The following WDFY3 variants were observed in gnomAD, a reference collection of about 807,000 sequenced individuals.
The protein encoded by WDFY3 is WD repeat and FYVE domain-containing protein 3.
A neutral mutation model predicts 409.6 loss-of-function variants in WDFY3; 66 were observed. That is an observed-to-expected ratio of 0.16 (90% CI 0.13 to 0.20). The LOEUF is 0.20. WDFY3 is among the 10% of genes least tolerant of loss of function. The probability of loss-of-function intolerance (pLI) is 1.00; values close to 1 mark genes in which losing one functional copy is unlikely to be tolerated. For synonymous variants in WDFY3, 1,521 were observed against 1,537.1 expected (o/e 0.99, Z 0.25); for missense variants, 3,031 against 4,298.1 (o/e 0.71, Z 8.24).
intron 2 of WDFY3, among the ~76,000 whole-genome samples, chr4:84,913,804 C>T (rs932854671): frequency 2.0e-5 from 3 of 151,494 alleles, no homozygotes; most frequent in Admixed American, 2.0e-4. Context: ...AACATGACAC[C>T]AAGTGTGCCT....
At chr4:84,921,646 ATTTTTTT>A (rs747576197) in intron 2 of WDFY3, among the ~76,000 whole-genome samples, 126 of 78,638 alleles carry the variant, frequency 1.6e-3, no homozygotes, top group Non-Finnish European at 2.6e-3. Context: ...TATTGCTTTC[ATTTTTTT>A]TTTTTTTTTT....
chr4:84,688,054 A>G, intron 62 of WDFY3, 32 bp downstream of exon 62: 1 of 1,597,674 alleles, frequency 6.3e-7, no homozygotes. Flanking sequence ...CTACTTGTTT[A>G]CCTAAACATA....
rs368190959 is a variant in WDFY3 at position 84,775,046 on chromosome 4, C to T, written c.4592+19G>A. The T allele has an allele frequency of 2.8e-5, 45 of 1,613,070 alleles. 1 individual carries two copies. Among genetic ancestry groups the T allele is most frequent in the South Asian group, 8.8e-5 (8 of 91,026 alleles). Reference sequence around the variant, plus strand: ...TTTTCTATAGCTGAATAATTAACTACGTGGGTATTAATTAATACCTGGACT... The same window carrying T: ...TTTTCTATAGCTGAATAATTAACTATGTGGGTATTAATTAATACCTGGACT... On this transcript the variant is annotated intron_variant, in intron 28 of 67. Transcript: ENST00000295888.
At chr4:84,851,555 A>G (rs1027557971) in intron 4 of WDFY3, among the ~76,000 whole-genome samples, 1 of 152,154 alleles carries the variant, frequency 6.6e-6, no homozygotes, top group Non-Finnish European at 1.5e-5. Context: ...CAAGCAAATA[A>G]AAGACCCAGC....
chr4:84,803,463 C>T lies in WDFY3; in HGVS notation c.2434G>A (p.Ala812Thr). The change falls in exon 16 of 68, where the codon GCA becomes ACA. Residue 812 changes from alanine (A) to threonine (T), a missense_variant. Transcript: ENST00000295888. ...GGGGGAGTTGAAACAGAATGATATGCATGCCTATAAAAAAAGAAAGAGTAA... is the reference window on the plus strand; with the variant it reads ...GGGGGAGTTGAAACAGAATGATATGTATGCCTATAAAAAAAGAAAGAGTAA... ...GTPALSRKRH[A>T]YHSVSTPPVY... 1 of 1,603,142 alleles carries T rather than the reference C, an allele frequency of 6.2e-7. No homozygotes were observed. Among genetic ancestry groups the T allele is most frequent in the Non-Finnish European group, 8.5e-7 (1 of 1,176,388 alleles).
At chr4:84,904,913 C>T (rs568467384) in intron 2 of WDFY3, among the ~76,000 whole-genome samples, 36 of 152,286 alleles carry the variant, frequency 2.4e-4, no homozygotes, top group Non-Finnish European at 4.3e-4. Flanking sequence ...CCAAGGCAGG[C>T]GGATCACTTG....
chr4:84,693,020 G>GT lies in WDFY3; in HGVS notation c.8913dup (p.Pro2972ThrfsTer27). Reference sequence around the variant, plus strand: ...CTTCTCACTCGCTTTGGTGGATGAGGTTTTTTAAATAACTGGTATGAAAGA... The same window carrying GT: ...CTTCTCACTCGCTTTGGTGGATGAGGTTTTTTTAAATAACTGGTATGAAAGA... On this transcript the variant is annotated frameshift_variant, in exon 59 of 68. Coordinates refer to ENST00000295888, the MANE Select transcript of WDFY3 (RefSeq NM_014991.6). LOFTEE classifies it high-confidence loss of function. 1 of 1,611,288 alleles carries GT rather than the reference G, an allele frequency of 6.2e-7. No homozygotes were observed. Among genetic ancestry groups the GT allele is most frequent in the Non-Finnish European group, 8.5e-7 (1 of 1,179,428 alleles).
rs1407628764 is a variant in WDFY3 at position 84,860,690 on chromosome 4, A to G, written c.-31-68T>C. On this transcript the variant is annotated intron_variant, in intron 3 of 67. Transcript: ENST00000295888. ...TCTTGACTAGGTCAAGCATGCATGT[A>G]AGAGCTTATAAGAAATTTGCAAAAT... is the stretch of plus-strand genomic sequence containing the variant. The G allele has an allele frequency of 3.2e-6, 4 of 1,253,302 alleles. No homozygotes were observed. In the South Asian group the frequency reaches 8.1e-5, roughly 25 times the overall value. The allele number at this position is 1,253,302 out of a possible 1,614,324, so 77.6% of individuals were successfully genotyped here. A position where few individuals can be genotyped will look rare whatever the true frequency, so the allele number is the denominator to read the frequency against.
At chr4:84,808,548 A>G in intron 14 of WDFY3, 131 bp from the exon 15 acceptor site, 1 of 674,012 alleles carries the variant, frequency 1.5e-6, no homozygotes, top group Middle Eastern at 2.5e-4. Context: ...TTCAGCAGGA[A>G]CAAGGAACAA....
chr4:84,802,019 C>T lies in WDFY3; in HGVS notation c.2608-155G>A, dbSNP rs184262349. Reference sequence around the variant, plus strand: ...CTGGAGTGCAATGGTGTGATCTCGCCTCATTGCAACCTCTGCCTTGCAGGT... The same window carrying T: ...CTGGAGTGCAATGGTGTGATCTCGCTTCATTGCAACCTCTGCCTTGCAGGT... On this transcript the variant is annotated intron_variant, in intron 16 of 67. Coordinates refer to ENST00000295888, the MANE Select transcript of WDFY3 (RefSeq NM_014991.6). Among the ~76,000 whole-genome samples the T allele has an allele frequency of 3.9e-3, 589 of 151,790 alleles. 3 individuals are homozygous for T. Among genetic ancestry groups the T allele is most frequent in the Non-Finnish European group, 4.0e-3 (271 of 67,964 alleles).
chr4:84,760,160 G>A (rs1463781537), intron 32 of WDFY3, among the ~76,000 whole-genome samples: 1 of 151,910 alleles, frequency 6.6e-6, no homozygotes, highest in African/African-American at 2.4e-5. Flanking sequence ...AAGCCCACCT[G>A]ATCATGGTGG....
intron 2 of WDFY3, among the ~76,000 whole-genome samples, chr4:84,929,680 C>T (rs970828535): frequency 1.3e-5 from 2 of 151,984 alleles, no homozygotes; most frequent in African/African-American, 4.8e-5. Flanking sequence ...GAGGCCAAGG[C>T]GGGTGGATCA....
chr4:84,868,305 T>C (rs949144860), intron 3 of WDFY3, among the ~76,000 whole-genome samples: 1 of 151,984 alleles, frequency 6.6e-6, no homozygotes, highest in Non-Finnish European at 1.5e-5. Flanking sequence ...CCTCTTATAC[T>C]TTTTAAGAAT....
intron 15 of WDFY3, among the ~76,000 whole-genome samples, chr4:84,807,845 C>T (rs1245005179): frequency 6.6e-6 from 1 of 151,876 alleles, no homozygotes; most frequent in Non-Finnish European, 1.5e-5. Flanking sequence ...CAGCAACATA[C>T]TTCAATTGGT....
chr4:84,919,500 G>A (rs939557474), intron 2 of WDFY3, among the ~76,000 whole-genome samples: 1 of 152,068 alleles, frequency 6.6e-6, no homozygotes, highest in Non-Finnish European at 1.5e-5. Context: ...TGGTTTGGCT[G>A]TGTCCCTACC....
At chr4:84,847,803 A>C (rs1283856081) in intron 5 of WDFY3, among the ~76,000 whole-genome samples, 7 of 147,014 alleles carry the variant, frequency 4.8e-5, no homozygotes, top group South Asian at 2.1e-4. Flanking sequence ...AAAAAAAAAC[A>C]AAAAAAAACA....
chr4:84,865,062 T>A (rs1419243442), intron 3 of WDFY3, among the ~76,000 whole-genome samples: 1 of 152,028 alleles, frequency 6.6e-6, no homozygotes, highest in Non-Finnish European at 1.5e-5. Flanking sequence ...CTAATTTTTG[T>A]ATTTTTTGTA....
intron 44 of WDFY3, among the ~76,000 whole-genome samples, chr4:84,730,434 T>C (rs1736398827): frequency 6.6e-6 from 1 of 152,204 alleles, no homozygotes; most frequent in Non-Finnish European, 1.5e-5. Context: ...TCACTATCAA[T>C]GGATAATGTC....
At chr4:84,751,174 G>A in intron 36 of WDFY3, 6 of 391,282 alleles carry the variant, frequency 1.5e-5, no homozygotes, top group South Asian at 1.4e-4. Flanking sequence ...TTGAACAGAT[G>A]TGACAGAGAC....
Sources: gnomAD v4.1 joint callset for allele counts (sites outside exome capture counted in the v4.1 genomes callset) on GRCh38, gnomAD v4.1.1 for gene constraint, MANE v1.5 for transcripts, NCBI Gene and HGNC (gene_info 2026-07-23, HGNC 2026-07-21) for gene names.